TAF8: variants seen among roughly 807,000 people sequenced by gnomAD.
TAF8 encodes the protein TATA-box binding protein associated factor 8.
TAF8 carries 47 observed loss-of-function variants against 36.5 expected under a neutral mutation model. The ratio of observed to expected loss-of-function variants is 1.29; its 90% CI spans 1.02 to 1.64. The LOEUF is 1.64. TAF8 is among the 40% of genes most tolerant of loss of function. The pLI, the probability that TAF8 is intolerant of heterozygous loss-of-function variation, is 0.00. For missense variants in TAF8, 420 were observed against 407.6 expected (o/e 1.03, Z -0.26); for synonymous variants, 175 against 159.5 (o/e 1.10, Z -0.73).
chr6:42,068,653 G>A lies in TAF8; in HGVS notation c.780+46G>A, dbSNP rs761230034. The A allele has an allele frequency of 1.9e-5, 30 of 1,602,602 alleles. No homozygotes were observed. In the African/African-American group the frequency reaches 2.0e-4, roughly 11 times the overall value. ...ACCTCAGAGTATCCCCCAAACTGTC[G>A]CACACTGCCCTCAGTCTGTCACCCT... On this transcript the variant is annotated intron_variant, in intron 7 of 8. Transcript: ENST00000372977.
chr6:42,075,740 T>C (rs1765723746), intron 7 of TAF8, among the ~76,000 whole-genome samples: 1 of 152,226 alleles, frequency 6.6e-6, no homozygotes, highest in African/African-American at 2.4e-5. Context: ...TAAAGGAGGC[T>C]GTGAATAAAG....
chr6:42,059,544 C>T (rs1190726662), intron 5 of TAF8, among the ~76,000 whole-genome samples: 2 of 152,220 alleles, frequency 1.3e-5, no homozygotes, highest in Admixed American at 6.5e-5. Flanking sequence ...ATCTTAGGAA[C>T]AGTATAGGGA....
intron 2 of TAF8, among the ~76,000 whole-genome samples, chr6:42,052,328 C>CTTT (rs771808677): frequency 3.0e-5 from 3 of 101,484 alleles, no homozygotes; most frequent in African/African-American, 1.1e-4. Context: ...CCCCCCCCCC[C>CTTT]TTTTTTTTTT....
At chr6:42,058,519 C>T (rs548790236) in intron 5 of TAF8, among the ~76,000 whole-genome samples, 1 of 152,294 alleles carries the variant, frequency 6.6e-6, no homozygotes, top group South Asian at 2.1e-4. Context: ...TTTTACCTTC[C>T]GTTGGGAAGG....
At chr6:42,068,638 A>T in intron 7 of TAF8, 31 bp downstream of exon 7, 3 of 1,608,002 alleles carry the variant, frequency 1.9e-6, no homozygotes, top group Non-Finnish European at 1.7e-6. Flanking sequence ...ACCTCAGAGT[A>T]TCCCCCAAAC....
intron 5 of TAF8, 59 bp from the exon 6 acceptor site, chr6:42,066,253 T>C (rs557521539): frequency 6.3e-7 from 1 of 1,598,868 alleles, no homozygotes; most frequent in Admixed American, 1.7e-5. Context: ...GCCAGGGAGC[T>C]GATGAAAGCA....
downstream of TAF8, among the ~76,000 whole-genome samples, chr6:42,085,992 AAG>A (rs1173509292): frequency 4.6e-5 from 7 of 152,296 alleles, no homozygotes; most frequent in African/African-American, 1.7e-4. Flanking sequence ...ACAAAAAGAA[AAG>A]AGAGAGCTGC....
chr6:42,083,727 C>G (rs978401337), downstream of TAF8, among the ~76,000 whole-genome samples: 1 of 152,138 alleles, frequency 6.6e-6, no homozygotes, highest in Non-Finnish European at 1.5e-5. Context: ...GGAACACAAT[C>G]TCTTTCTGGG....
chr6:42,067,128 C>T (rs1321207992), intron 6 of TAF8, among the ~76,000 whole-genome samples: 1 of 152,234 alleles, frequency 6.6e-6, no homozygotes, highest in East Asian at 1.9e-4. Flanking sequence ...AATGAAGTCA[C>T]TTCCTCAAGG....
downstream of TAF8, chr6:42,087,399 CA>C (rs1232284836): frequency 3.3e-5 from 5 of 151,736 alleles, no homozygotes; most frequent in South Asian, 2.1e-4. Context: ...TATATTAACT[CA>C]TATAATAAAT....
chr6:42,076,147 C>G (rs1765740604), intron 7 of TAF8, among the ~76,000 whole-genome samples: 1 of 151,036 alleles, frequency 6.6e-6, no homozygotes, highest in Non-Finnish European at 1.5e-5. Flanking sequence ...GCGGAGCTTG[C>G]AGTGAGCTGA....
chr6:42,084,861 G>C (rs918404346), downstream of TAF8, among the ~76,000 whole-genome samples: 1 of 152,332 alleles, frequency 6.6e-6, no homozygotes, highest in East Asian at 1.9e-4. Flanking sequence ...GCCACTACAT[G>C]GCATGACCCT....
chr6:42,074,344 C>T (rs1240368677), intron 7 of TAF8, among the ~76,000 whole-genome samples: 3 of 152,168 alleles, frequency 2.0e-5, no homozygotes, highest in Admixed American at 1.3e-4. Flanking sequence ...GCCTGGAAGT[C>T]GGGAGAGGTT....
rs534757154 is a variant in TAF8, at chr6:42,056,755, G to A, written c.365-634G>A. Among the ~76,000 whole-genome samples the A allele has an allele frequency of 1.1e-4, 16 of 152,184 alleles. No homozygotes were observed. The South Asian group carries it at 1.7e-3, about 16-fold the overall frequency. Reference sequence around the variant, plus strand: ...CAAGTAGCTGGGATTACAGGCGCTCGCCACCACACCCAGCTAACTTTTATA... The same window carrying A: ...CAAGTAGCTGGGATTACAGGCGCTCACCACCACACCCAGCTAACTTTTATA... On this transcript the variant is annotated intron_variant, in intron 4 of 8. Transcript: ENST00000372977.
rs1224315669 is a variant in TAF8 at position 42,062,621 on chromosome 6, A to G, written c.490-3691A>G. ...GCGATCTCAGCTCACTGCAACCTCC[A>G]CCACCTCCCGGGTTCAAGTGATTCT... is the stretch of plus-strand genomic sequence containing the variant. On this transcript the variant is annotated intron_variant, in intron 5 of 8. Transcript: ENST00000372977. 3.6e-4 allele frequency among the ~76,000 whole-genome samples: 47 copies of G among 128,900 alleles called. 1 individual carries two copies. The highest frequency in any genetic ancestry group is 1.5e-4 in the Non-Finnish European group (10 of 64,934). 84.6% of individuals were successfully genotyped at this position (128,900 alleles called of 152,430 possible). A position where few individuals can be genotyped will look rare whatever the true frequency, so the allele number is the denominator to read the frequency against.
chr6:42,072,259 A>G (rs183114824), intron 7 of TAF8, among the ~76,000 whole-genome samples: 101 of 152,272 alleles, frequency 6.6e-4, no homozygotes, highest in Middle Eastern at 3.4e-3. Flanking sequence ...ATAAAATCAA[A>G]TGACTCCAAG....
At chr6:42,057,367 A>G (rs1273215428) in intron 4 of TAF8, 22 bp from the exon 5 acceptor site, 5 of 1,613,764 alleles carry the variant, frequency 3.1e-6, no homozygotes, top group Non-Finnish European at 8.5e-7. Flanking sequence ...TGGAGGGGTA[A>G]TCAGTTGTGA....
intron 1 of TAF8, 143 bp downstream of exon 1, chr6:42,050,729 GC>G: frequency 1.8e-6 from 2 of 1,117,302 alleles, no homozygotes; most frequent in Non-Finnish European, 2.5e-6. Context: ...GGCCGTAGGC[GC>G]CCCCTCCTTG....
chr6:42,056,094 T>G, intron 4 of TAF8, 80 bp downstream of exon 4: 5 of 932,896 alleles, frequency 5.4e-6, no homozygotes, highest in Non-Finnish European at 8.8e-6. Flanking sequence ...TGGTAGGGAT[T>G]GGATTAGTAG....
Sources: gnomAD v4.1 joint callset for allele counts (sites outside exome capture counted in the v4.1 genomes callset) on GRCh38, gnomAD v4.1.1 for gene constraint, MANE v1.5 for transcripts, NCBI Gene and HGNC (gene_info 2026-07-23, HGNC 2026-07-21) for gene names.